TACC1: variants seen among roughly 807,000 people sequenced by gnomAD.
The protein encoded by TACC1 is transforming acidic coiled-coil-containing protein 1.
Under a neutral mutation model 84.4 loss-of-function variants are expected in TACC1, and 48 were observed. That is an observed-to-expected ratio of 0.57 (90% CI 0.45 to 0.72). The LOEUF (loss-of-function observed/expected upper bound fraction) is 0.72, where lower values mean the gene tolerates loss of function less well. Ranked by LOEUF, TACC1 falls within the 30% of genes least tolerant of loss-of-function variation. TACC1 has a pLI of 0.00. For missense variants in TACC1, 920 were observed against 973.0 expected (o/e 0.95, Z 0.72); for synonymous variants, 372 against 376.3 (o/e 0.99, Z 0.13).
intron 6 of TACC1, among the ~76,000 whole-genome samples, chr8:38,831,668 G>T (rs1829273061): frequency 6.6e-6 from 1 of 152,010 alleles, no homozygotes. Context: ...GCTAGTTTTT[G>T]TATTTTTTGC....
At chr8:38,778,971 GTT>G (rs113257559) in intron 3 of TACC1, among the ~76,000 whole-genome samples, 28,028 of 139,772 alleles carry the variant, frequency 0.2, 2,785 homozygotes, top group Non-Finnish European at 0.27. Flanking sequence ...GGGTCCTTGG[GTT>G]TTTTTTTTTT....
chr8:38,827,961 G>GATCTA, intron 5 of TACC1: 1 of 156,840 alleles, frequency 6.4e-6, no homozygotes, highest in Non-Finnish European at 1.4e-5. Context: ...CACAAGGAGG[G>GATCTA]CACCAAGCTA....
intron 2 of TACC1, among the ~76,000 whole-genome samples, chr8:38,798,603 C>CTGTGTGTG (rs1211707477): frequency 4.3e-5 from 4 of 92,528 alleles, no homozygotes; most frequent in Non-Finnish European, 7.4e-5. Context: ...TGTCTGGGTT[C>CTGTGTGTG]TGCGTGTGTG....
upstream of TACC1, chr8:38,785,825 G>A (rs2151968770): frequency 3.6e-6 from 2 of 550,564 alleles, no homozygotes; most frequent in Non-Finnish European, 4.6e-6. Flanking sequence ...CTTTATAGTC[G>A]CTAGAACACT....
intron 3 of TACC1, chr8:38,824,152 C>A: frequency 1.3e-6 from 1 of 762,108 alleles, no homozygotes; most frequent in Non-Finnish European, 2.0e-6. Context: ...GATTTTTTTG[C>A]ATTTCATCAG....
chr8:38,783,212 T>C (rs1428602794), upstream of TACC1, among the ~76,000 whole-genome samples: 4 of 151,098 alleles, frequency 2.6e-5, no homozygotes, highest in Non-Finnish European at 5.9e-5. Flanking sequence ...ACCTGTGACC[T>C]AGGTTGAATG....
At chr8:38,784,723 G>A (rs552062007), upstream of TACC1, among the ~76,000 whole-genome samples, 1 of 152,294 alleles carries the variant, frequency 6.6e-6, no homozygotes, top group Admixed American at 6.5e-5. Flanking sequence ...AAACTCACAA[G>A]GACTATTTGT....
chr8:38,841,863 C>G (rs768099740), intron 9 of TACC1, among the ~76,000 whole-genome samples: 29 of 152,118 alleles, frequency 1.9e-4, no homozygotes, highest in Non-Finnish European at 3.7e-4. Context: ...AGGATTGACT[C>G]CCTAAACCAG....
In TACC1 at chr8:38,849,107, T is replaced by C. The variant is rs1482697566; in HGVS notation, c.*1084T>C. On this transcript the variant is annotated 3_prime_UTR_variant, in exon 13 of 13. Transcript: ENST00000317827. ...AGAAATGTTTTTTTCCCAAGTGTGA[T>C]GCATTGTTCTTCAGATGTTGAAAAG... The C allele has an allele frequency of 6.6e-6, 1 of 152,228 alleles. No individual in the cohort carries two copies. The highest frequency in any genetic ancestry group is 1.5e-5 in the Non-Finnish European group (1 of 68,052). The allele number at this position is 152,228 out of a possible 1,614,324, so 9.4% of individuals were successfully genotyped here.
intron 2 of TACC1, among the ~76,000 whole-genome samples, chr8:38,802,518 C>A (rs1373417250): frequency 6.6e-6 from 1 of 152,208 alleles, no homozygotes; most frequent in African/African-American, 2.4e-5. Context: ...CTCCCATCTC[C>A]CCGGTCCATG....
At chr8:38,810,993 C>T (rs1405995265) in intron 2 of TACC1, among the ~76,000 whole-genome samples, 1 of 152,074 alleles carries the variant, frequency 6.6e-6, no homozygotes, top group Non-Finnish European at 1.5e-5. Flanking sequence ...GGTGGTGTGC[C>T]TGTAGTCCCA....
In TACC1 at chr8:38,819,746, A is replaced by G. The variant is rs1316826513; in HGVS notation, c.502A>G (p.Thr168Ala). The G allele has an allele frequency of 6.2e-7, 1 of 1,613,986 alleles. No homozygotes were observed. Among genetic ancestry groups the G allele is most frequent in the African/African-American group, 1.3e-5 (1 of 74,938 alleles). The change falls in exon 3 of 13, where the codon ACA becomes GCA. Residue 168 changes from threonine (T) to alanine (A), a missense_variant. Physicochemically the swap from Thr to Ala is moderately conservative, Grantham distance 58. Transcript: ENST00000317827. ...DSTDISAVLGTKAAHGCVTAV... is the reference protein window; with the variant it reads ...DSTDISAVLGAKAAHGCVTAV... ...CACGGATATCTCGGCAGTCCTCGGAACAAAAGCAGCTCATGGCTGTGTAAC... is the reference window on the plus strand; with the variant it reads ...CACGGATATCTCGGCAGTCCTCGGAGCAAAAGCAGCTCATGGCTGTGTAAC...
intron 2 of TACC1, among the ~76,000 whole-genome samples, chr8:38,790,898 C>T (rs761946276): frequency 3.9e-5 from 6 of 152,134 alleles, no homozygotes; most frequent in Admixed American, 6.6e-5. Context: ...TTGTGTGCGA[C>T]GCATAGCTGT....
chr8:38,827,706 C>T, intron 5 of TACC1: 1 of 279,722 alleles, frequency 3.6e-6, no homozygotes, highest in Non-Finnish European at 6.9e-6. Context: ...AAAGGAATAC[C>T]TGAGAATGGC....
At chr8:38,818,806 T>C (rs1455369432) in intron 2 of TACC1, among the ~76,000 whole-genome samples, 3 of 151,874 alleles carry the variant, frequency 2.0e-5, no homozygotes, top group Non-Finnish European at 4.4e-5. Context: ...TTTTTTTTTC[T>C]TTGAGACAGA....
intron 2 of TACC1, among the ~76,000 whole-genome samples, chr8:38,742,783 C>T (rs763865639): frequency 2.6e-5 from 4 of 152,172 alleles, no homozygotes; most frequent in African/African-American, 9.7e-5. Flanking sequence ...GGCACGATCT[C>T]GGCTCACTGC....
At chr8:38,750,392 T>C (rs1405405092) in intron 3 of TACC1, among the ~76,000 whole-genome samples, 2 of 152,218 alleles carry the variant, frequency 1.3e-5, no homozygotes, top group Non-Finnish European at 2.9e-5. Flanking sequence ...GCTTTCTACC[T>C]AAGACGAGGT....
At chr8:38,811,693 C>T (rs117374250) in intron 2 of TACC1, among the ~76,000 whole-genome samples, 2,028 of 152,236 alleles carry the variant, frequency 0.013, 30 homozygotes, top group Non-Finnish European at 0.016. Flanking sequence ...ATGTATATCA[C>T]GTCAGGACCA....
intron 3 of TACC1, among the ~76,000 whole-genome samples, chr8:38,770,402 C>T (rs1385731094): frequency 2.0e-5 from 3 of 152,136 alleles, no homozygotes; most frequent in Non-Finnish European, 4.4e-5. Flanking sequence ...TTTTCCCTCC[C>T]CTGCCCCCTC....
Sources: allele counts gnomAD v4.1 joint callset (sites outside exome capture counted in the v4.1 genomes callset), GRCh38; gene constraint gnomAD v4.1.1; transcripts MANE v1.5; gene names NCBI Gene and HGNC (gene_info 2026-07-23, HGNC 2026-07-21).